The following ATP2B2 variants were observed in gnomAD, a reference collection of about 807,000 sequenced individuals.
ATP2B2 encodes ATPase plasma membrane Ca2+ transporting 2.
A neutral mutation model predicts 120.0 loss-of-function variants in ATP2B2; 15 were observed. The observed-to-expected ratio is 0.12, with a 90% CI of 0.08 to 0.19. The LOEUF is 0.19. ATP2B2 is among the 10% of genes least tolerant of loss of function. The pLI is 1.00. For synonymous variants in ATP2B2, 694 were observed against 700.3 expected, an observed-to-expected ratio of 0.99 and a Z score of 0.14; for missense variants, 1,045 against 1,719.8, an observed-to-expected ratio of 0.61 and a Z score of 6.94.
In ATP2B2 at chr3:10,342,125, G is replaced by A. The variant is rs2125376312; in HGVS notation, c.2917+627C>T. 6.6e-6 allele frequency among the ~76,000 whole-genome samples: 1 copy of A among 152,366 alleles called. No individual in the cohort carries two copies. Among genetic ancestry groups the A allele is most frequent in the Non-Finnish European group, 1.5e-5 (1 of 68,038 alleles). The stretch of plus-strand genomic sequence containing the variant: ...CGAAGCATCTGTGGAAACCAGGCCA[G>A]TCTTGGCCCCAGCCAGACCTGGTTC... On this transcript the variant is annotated intron_variant, in intron 19 of 22. Transcript: ENST00000360273. The surrounding 1 kb of genome is among the most constrained non-coding windows in gnomAD (Gnocchi z 4.4).
chr3:10,333,692 G>A (rs2060042014), intron 22 of ATP2B2, among the ~76,000 whole-genome samples: 2 of 152,200 alleles, frequency 1.3e-5, no homozygotes, highest in African/African-American at 4.8e-5. Context: ...TTACAGGCTG[G>A]ATTCTGTCAC....
intron 2 of ATP2B2, among the ~76,000 whole-genome samples, chr3:10,589,999 C>A (rs886382076): frequency 1.2e-4 from 18 of 152,176 alleles, no homozygotes; most frequent in African/African-American, 4.3e-4. Flanking sequence ...TTCATCATTT[C>A]CCCAAACTGA....
At chr3:10,365,383 G>T (rs2125473736) in intron 12 of ATP2B2, among the ~76,000 whole-genome samples, 1 of 152,352 alleles carries the variant, frequency 6.6e-6, no homozygotes. Context: ...GGCAGAACTT[G>T]GTTCCCAGAA....
At chr3:10,354,032 C>T (rs879623321) in intron 14 of ATP2B2, among the ~76,000 whole-genome samples, 2 of 152,200 alleles carry the variant, frequency 1.3e-5, no homozygotes, top group Admixed American at 1.3e-4. Flanking sequence ...ACTCTGCATC[C>T]CTTCCTGCCT....
At position 10,344,069 on chromosome 3, in the gene ATP2B2, TTCTC is replaced by T. The variant is rs974622771; in HGVS notation, c.2704-1108_2704-1105del. On this transcript the variant is annotated intron_variant, in intron 18 of 22. Transcript: ENST00000360273. The stretch of plus-strand genomic sequence containing the variant: ...TTCATCACAGCCCCTGCTCCTGGCT[TTCTC>T]TCTCACCTCCTCCTTGCCTCAGCCT... Among the ~76,000 whole-genome samples the T allele has an allele frequency of 6.6e-5, 10 of 152,142 alleles. 1 individual carries two copies. The highest frequency in any genetic ancestry group is 1.9e-4 in the African/African-American group (8 of 41,510).
At chr3:10,507,321 A>T (rs546773010), upstream of ATP2B2, among the ~76,000 whole-genome samples, 15 of 152,032 alleles carry the variant, frequency 9.9e-5, no homozygotes, top group East Asian at 2.7e-3. Flanking sequence ...GCAGATGGGA[A>T]CTCTACCCCT....
At chr3:10,686,043 CTTTTTTTTTTTTT>C (rs34073958) in intron 1 of ATP2B2, among the ~76,000 whole-genome samples, 1 of 93,224 alleles carries the variant, frequency 1.1e-5, no homozygotes, top group Non-Finnish European at 2.1e-5. Flanking sequence ...TTCCTCCTTT[CTTTTTTTTTTTTT>C]TTTTTTTTTT....
intron 1 of ATP2B2, among the ~76,000 whole-genome samples, chr3:10,484,314 A>G (rs2065540411): frequency 6.6e-6 from 1 of 152,092 alleles, no homozygotes; most frequent in South Asian, 2.1e-4. Context: ...GTGAACACAC[A>G]GCCCCCTCCC....
chr3:10,514,343 G>A (rs2066834177), intron 3 of ATP2B2, among the ~76,000 whole-genome samples: 1 of 152,172 alleles, frequency 6.6e-6, no homozygotes, highest in Non-Finnish European at 1.5e-5. Context: ...GACAGGAACT[G>A]GCCGCCCTTG....
chr3:10,529,375 T>C (rs1431515406), intron 3 of ATP2B2, among the ~76,000 whole-genome samples: 1 of 152,350 alleles, frequency 6.6e-6, no homozygotes, highest in East Asian at 1.9e-4. Flanking sequence ...GCTAAGTCCC[T>C]GGCTTCCCGT....
intron 1 of ATP2B2, among the ~76,000 whole-genome samples, chr3:10,673,927 G>T (rs945423772): frequency 1.3e-5 from 2 of 151,820 alleles, no homozygotes; most frequent in African/African-American, 4.8e-5. Flanking sequence ...ATGGTATCAG[G>T]GTGGAGGTCA....
chr3:10,579,910 A>G (rs1299039395), intron 2 of ATP2B2, among the ~76,000 whole-genome samples: 1 of 152,228 alleles, frequency 6.6e-6, no homozygotes, highest in Non-Finnish European at 1.5e-5. Context: ...CCATGAATGT[A>G]GCACAAGTGA....
chr3:10,569,183 G>A (rs1045238899), intron 2 of ATP2B2, among the ~76,000 whole-genome samples: 1 of 152,164 alleles, frequency 6.6e-6, no homozygotes, highest in Admixed American at 6.5e-5. Flanking sequence ...CTCCACCCAA[G>A]AGAAATAGGG....
chr3:10,515,946 G>A (rs1559433689), intron 3 of ATP2B2, among the ~76,000 whole-genome samples: 1 of 152,154 alleles, frequency 6.6e-6, no homozygotes. Flanking sequence ...GTGGCATGGT[G>A]TGGCAGCAGT....
At chr3:10,376,858 A>AC (rs2061395021) in intron 10 of ATP2B2, among the ~76,000 whole-genome samples, 1 of 152,168 alleles carries the variant, frequency 6.6e-6, no homozygotes, top group African/African-American at 2.4e-5. Context: ...AGAGGAGGGC[A>AC]GGATGGATTT....
intron 2 of ATP2B2, among the ~76,000 whole-genome samples, chr3:10,607,502 G>C (rs1158275995): frequency 6.6e-6 from 1 of 152,166 alleles, no homozygotes; most frequent in Non-Finnish European, 1.5e-5. Flanking sequence ...CATCCCCCAG[G>C]TATCCCTGAC....
At chr3:10,676,124 G>T (rs1457358641) in intron 1 of ATP2B2, among the ~76,000 whole-genome samples, 1 of 152,182 alleles carries the variant, frequency 6.6e-6, no homozygotes, top group African/African-American at 2.4e-5. Context: ...ACAGGATCTG[G>T]CAGTTTCTAA....
intron 2 of ATP2B2, among the ~76,000 whole-genome samples, chr3:10,440,538 C>G (rs1177341195): frequency 1.3e-5 from 2 of 152,188 alleles, no homozygotes; most frequent in Admixed American, 1.3e-4. Flanking sequence ...CCTCACTGTT[C>G]CCTGTACACA....
chr3:10,378,504 GCCT>G, intron 9 of ATP2B2, 94 bp from the exon 10 acceptor site: 1 of 1,527,344 alleles, frequency 6.5e-7, no homozygotes, highest in Non-Finnish European at 8.9e-7. Flanking sequence ...ACCCACCCCT[GCCT>G]GCCCAGGGTA....
Sources: gnomAD v4.1 joint callset for allele counts (sites outside exome capture counted in the v4.1 genomes callset) on GRCh38, gnomAD v4.1.1 for gene constraint, Gnocchi (gnomAD v3.1) non-coding constraint, MANE v1.5 for transcripts, NCBI Gene and HGNC (gene_info 2026-07-23, HGNC 2026-07-21) for gene names.